The following TENM2 variants were observed in gnomAD, a reference collection of about 807,000 sequenced individuals.
TENM2 encodes teneurin-2.
A neutral mutation model predicts 245.2 loss-of-function variants in TENM2; 52 were observed. The ratio of observed to expected loss-of-function variants is 0.21; its 90% CI spans 0.17 to 0.27. TENM2 has a LOEUF of 0.27. TENM2 is among the 10% of genes least tolerant of loss of function. TENM2 has a pLI of 1.00. For missense variants in TENM2, 3,046 were observed against 3,666.8 expected (o/e 0.83, Z 4.37); for synonymous variants, 1,363 against 1,438.9 (o/e 0.95, Z 1.19).
the TENM2 span, among the ~76,000 whole-genome samples, chr5:167,167,545 A>G: frequency 6.6e-6 from 1 of 152,104 alleles, no homozygotes; most frequent in South Asian, 2.1e-4. Context: ...CCACCTGGAG[A>G]ATGACTACTC....
At chr5:167,694,360 A>T (rs1757627394) in intron 2 of TENM2, among the ~76,000 whole-genome samples, 1 of 152,148 alleles carries the variant, frequency 6.6e-6, no homozygotes, top group African/African-American at 2.4e-5. Flanking sequence ...TTCCCAGGTG[A>T]TTCTCATCCA....
chr5:168,060,751 CT>C (rs1157118958), intron 6 of TENM2, among the ~76,000 whole-genome samples: 1 of 152,072 alleles, frequency 6.6e-6, no homozygotes, highest in African/African-American at 2.4e-5. Flanking sequence ...CTGTGGTTTT[CT>C]TTTATAATTT....
chr5:167,778,276 T>C (rs1400409763), intron 2 of TENM2, among the ~76,000 whole-genome samples: 1 of 152,166 alleles, frequency 6.6e-6, no homozygotes, highest in Non-Finnish European at 1.5e-5. Context: ...GAGCCATTTA[T>C]GTGGAGGAGA....
In TENM2 at chr5:167,420,785, A is replaced by C. The variant is rs367984877; in HGVS notation, c.502+45312A>C. Among the ~76,000 whole-genome samples the C allele has an allele frequency of 1.3e-3, 200 of 152,220 alleles. 1 individual carries two copies. The highest frequency in any genetic ancestry group is 4.5e-3 in the African/African-American group (187 of 41,530). ...TACTCCCCTATCACAATTTCTTCTTATTATCACCCTGTCCCTACTGGAATA... is the reference window on the plus strand; with the variant it reads ...TACTCCCCTATCACAATTTCTTCTTCTTATCACCCTGTCCCTACTGGAATA... On this transcript the variant is annotated intron_variant, in intron 2 of 28. Transcript: ENST00000518659.
chr5:167,540,559 C>T (rs1009162189), intron 2 of TENM2, among the ~76,000 whole-genome samples: 2 of 152,056 alleles, frequency 1.3e-5, no homozygotes, highest in Admixed American at 6.6e-5. Context: ...CAAAACAGGG[C>T]GAGTTGAGCA....
At chr5:167,951,961 G>A (rs1780144723) in intron 3 of TENM2, among the ~76,000 whole-genome samples, 1 of 152,106 alleles carries the variant, frequency 6.6e-6, no homozygotes. Context: ...TACAAGTCCA[G>A]ATTTCCAGCT....
intron 2 of TENM2, among the ~76,000 whole-genome samples, chr5:167,875,730 A>G (rs1002476279): frequency 4.6e-5 from 7 of 152,160 alleles, no homozygotes; most frequent in Admixed American, 2.6e-4. Flanking sequence ...GATGGTTGCT[A>G]GACTGATTCC....
At chr5:167,329,878 T>C (rs1040835941) in intron 1 of TENM2, among the ~76,000 whole-genome samples, 3 of 152,190 alleles carry the variant, frequency 2.0e-5, no homozygotes, top group African/African-American at 7.2e-5. Flanking sequence ...TTCATATCCC[T>C]AATTCCTCAT....
chr5:167,123,369 C>T, the TENM2 span, among the ~76,000 whole-genome samples: 4 of 152,206 alleles, frequency 2.6e-5, no homozygotes, highest in African/African-American at 7.2e-5. Flanking sequence ...ACCACACACA[C>T]ACGGATAACA....
At chr5:168,217,374 A>G (rs1240828618) in intron 22 of TENM2, among the ~76,000 whole-genome samples, 4 of 152,222 alleles carry the variant, frequency 2.6e-5, no homozygotes, top group Non-Finnish European at 5.9e-5. Context: ...AATATCACCC[A>G]AAGTGTGTGT....
At chr5:167,212,976 G>A in the TENM2 span, among the ~76,000 whole-genome samples, 2 of 152,254 alleles carry the variant, frequency 1.3e-5, no homozygotes, top group Admixed American at 6.5e-5. Context: ...AAGACAAAGT[G>A]TATATTATGC....
chr5:167,284,162 C>T (rs1412500463), upstream of TENM2, among the ~76,000 whole-genome samples: 10 of 152,138 alleles, frequency 6.6e-5, no homozygotes, highest in African/African-American at 4.8e-5. Context: ...GCCAAAAGCT[C>T]GTTGAAGAAA....
chr5:168,039,003 T>C (rs1787946641), intron 5 of TENM2, among the ~76,000 whole-genome samples: 2 of 152,004 alleles, frequency 1.3e-5, no homozygotes, highest in Admixed American at 1.3e-4. Flanking sequence ...TCTCCTCCCT[T>C]GCCTGCAGCC....
chr5:168,080,918 A>G lies in TENM2; in HGVS notation c.1516-9656A>G, dbSNP rs1043063082. On this transcript the variant is annotated intron_variant, in intron 7 of 28. Coordinates refer to ENST00000518659, the Ensembl canonical transcript of TENM2. ...AGAATGTATATTTTGTTGATTTGGGATGGAGAGTTCTGTAGATGTCTATTA... is the reference window on the plus strand; with the variant it reads ...AGAATGTATATTTTGTTGATTTGGGGTGGAGAGTTCTGTAGATGTCTATTA... 1.3e-4 allele frequency among the ~76,000 whole-genome samples: 20 copies of G among 152,170 alleles called. 1 individual carries two copies. The East Asian group carries it at 3.3e-3, about 25-fold the overall frequency.
chr5:168,174,715 A>G (rs1232524312), intron 13 of TENM2, among the ~76,000 whole-genome samples: 15 of 152,072 alleles, frequency 9.9e-5, no homozygotes, highest in Admixed American at 9.8e-4. Context: ...TGATGAGGAG[A>G]GACAGGCCAA....
chr5:167,630,517 A>T (rs910037678), intron 2 of TENM2, among the ~76,000 whole-genome samples: 3 of 152,212 alleles, frequency 2.0e-5, no homozygotes, highest in African/African-American at 7.2e-5. Flanking sequence ...TCAGACCACT[A>T]TTGAGCACAG....
chr5:167,737,344 C>T (rs1291099670), intron 2 of TENM2, among the ~76,000 whole-genome samples: 3 of 152,144 alleles, frequency 2.0e-5, no homozygotes, highest in South Asian at 2.1e-4. Flanking sequence ...TGTCACAGAG[C>T]GCCGGCGGCT....
At chr5:167,610,791 A>G (rs1418454085) in intron 2 of TENM2, among the ~76,000 whole-genome samples, 2 of 152,144 alleles carry the variant, frequency 1.3e-5, no homozygotes, top group Non-Finnish European at 2.9e-5. Flanking sequence ...AGTTAACATC[A>G]ATTTTCTTTT....
Position 167,756,949 on chromosome 5 carries a change from G to A in TENM2, c.503-119037G>A, listed in dbSNP as rs573078171. Among the ~76,000 whole-genome samples, 44 of 152,142 alleles carry A rather than the reference G, an allele frequency of 2.9e-4. No homozygotes were observed. In the East Asian group the frequency reaches 7.5e-3, roughly 26 times the overall value. On this transcript the variant is annotated intron_variant, in intron 2 of 28. Transcript: ENST00000518659. Reference sequence around the variant, plus strand: ...GTGGGTTTTAAATTGCCCTGACATAGACCCCCATGAAATCATGTGAGACAT... The same window carrying A: ...GTGGGTTTTAAATTGCCCTGACATAAACCCCCATGAAATCATGTGAGACAT...
Sources: gnomAD v4.1 joint callset for allele counts (sites outside exome capture counted in the v4.1 genomes callset) on GRCh38, gnomAD v4.1.1 for gene constraint, MANE v1.5 for transcripts, NCBI Gene and HGNC (gene_info 2026-07-23, HGNC 2026-07-21) for gene names.